The following TSNARE1 variants were observed in gnomAD, a reference collection of about 807,000 sequenced individuals.
TSNARE1 encodes the protein t-SNARE domain-containing protein 1.
A neutral mutation model predicts 62.0 loss-of-function variants in TSNARE1; 49 were observed. The observed-to-expected ratio is 0.79, with a 90% confidence interval of 0.63 to 1.00. The LOEUF is 1.00. TSNARE1 is among the 50% of genes least tolerant of loss of function. The pLI is 0.00. For synonymous variants in TSNARE1, 328 were observed against 294.4 expected (o/e 1.11, Z -1.17); for missense variants, 755 against 700.1 (o/e 1.08, Z -0.88).
intron 12 of TSNARE1, among the ~76,000 whole-genome samples, chr8:142,248,981 G>A (rs1005966191): frequency 6.6e-6 from 1 of 152,344 alleles, no homozygotes; most frequent in East Asian, 1.9e-4. Context: ...TTTGGAGGTA[G>A]CCAGCCCTGT....
At chr8:142,265,214 C>G (rs561987193) in intron 12 of TSNARE1, among the ~76,000 whole-genome samples, 25 of 152,184 alleles carry the variant, frequency 1.6e-4, no homozygotes, top group Admixed American at 3.3e-4. Flanking sequence ...GTCCCACCAC[C>G]ACAAGGCTCT....
chr8:142,309,486 G>A (rs1222466800), intron 9 of TSNARE1, among the ~76,000 whole-genome samples: 3 of 152,100 alleles, frequency 2.0e-5, no homozygotes, highest in Non-Finnish European at 2.9e-5. Context: ...GAATTTTATC[G>A]AGTGCTTTTT....
intron 7 of TSNARE1, among the ~76,000 whole-genome samples, chr8:142,316,701 T>C (rs529672900): frequency 6.6e-6 from 1 of 151,794 alleles, no homozygotes; most frequent in East Asian, 2.0e-4. Flanking sequence ...CGACTTCTGG[T>C]CTCCACAGAT....
intron 1 of TSNARE1, among the ~76,000 whole-genome samples, chr8:142,372,159 A>T (rs766173511): frequency 6.6e-6 from 1 of 152,206 alleles, no homozygotes; most frequent in Non-Finnish European, 1.5e-5. Flanking sequence ...AACTGAACAC[A>T]GGATCTGATC....
At chr8:142,245,354 C>A (rs1359192422) in intron 12 of TSNARE1, among the ~76,000 whole-genome samples, 1 of 152,208 alleles carries the variant, frequency 6.6e-6, no homozygotes, top group African/African-American at 2.4e-5. Flanking sequence ...GTCAGAGCAG[C>A]AGCCGACACA....
chr8:142,315,196 TCAGAATGGGGC>T, intron 7 of TSNARE1, 104 bp from the exon 8 acceptor site: 1 of 1,158,824 alleles, frequency 8.6e-7, no homozygotes, highest in African/African-American at 1.5e-5. Flanking sequence ...CTTCCCACAC[TCAGAATGGGGC>T]TCGCCATCAA....
intron 1 of TSNARE1, among the ~76,000 whole-genome samples, chr8:142,377,655 C>T (rs768521218): frequency 2.0e-5 from 3 of 152,152 alleles, no homozygotes; most frequent in Admixed American, 1.3e-4. Context: ...ACTGGGGGAA[C>T]GGCAGGGACC....
At chr8:142,281,894 C>T (rs770040311) in intron 11 of TSNARE1, among the ~76,000 whole-genome samples, 2 of 152,274 alleles carry the variant, frequency 1.3e-5, no homozygotes, top group East Asian at 1.9e-4. Context: ...CCTGACCTCT[C>T]GCCTGTCAGG....
chr8:142,277,138 G>A, intron 11 of TSNARE1: 1 of 985,376 alleles, frequency 1.0e-6, no homozygotes, highest in Non-Finnish European at 1.2e-6. Flanking sequence ...CCCCCAGTCT[G>A]TGAGGTGAGC....
At chr8:142,395,481 CGCA>C (rs1009743343) in intron 1 of TSNARE1, among the ~76,000 whole-genome samples, 1 of 152,160 alleles carries the variant, frequency 6.6e-6, no homozygotes, top group Non-Finnish European at 1.5e-5. Context: ...GCGGAGTCAG[CGCA>C]GCAGGTTTCC....
chr8:142,282,720 G>A (rs377191501), intron 11 of TSNARE1, among the ~76,000 whole-genome samples: 12,978 of 90,148 alleles, frequency 0.14, 3 homozygotes, highest in African/African-American at 0.28. Context: ...GTCAATGAGC[G>A]GAGGGGAGGC....
At chr8:142,328,336 T>A (rs896064615) in intron 6 of TSNARE1, among the ~76,000 whole-genome samples, 10 of 152,216 alleles carry the variant, frequency 6.6e-5, no homozygotes, top group Non-Finnish European at 1.3e-4. Flanking sequence ...GCTCACAGCC[T>A]ACGTGCCCTC....
intron 11 of TSNARE1, among the ~76,000 whole-genome samples, chr8:142,283,339 C>A (rs376663554): frequency 0.058 from 8,131 of 140,932 alleles, 287 homozygotes; most frequent in East Asian, 0.23. Context: ...AGAGGCGGGG[C>A]CAGTGTCTGT....
Position 142,315,074 on chromosome 8 carries a change from C to T in TSNARE1, c.1003G>A (p.Glu335Lys). 6.2e-7 allele frequency: 1 copy of T among 1,613,956 alleles called. No homozygotes were observed. Among genetic ancestry groups the T allele is most frequent in the Non-Finnish European group, 8.5e-7 (1 of 1,179,928 alleles). Residue 335 changes from glutamate (E) to lysine (K), a missense_variant, in exon 8 of 14, where the codon GAG (glutamate) becomes AAG (lysine). By Grantham distance (56) the Glu-to-Lys change is moderately conservative (BLOSUM62 1). Coordinates refer to ENST00000524325, the MANE Select transcript of TSNARE1 (RefSeq NM_145003.5). ...SSCPQERLQQERPQLDRLKTQ... is the reference protein window; with the variant it reads ...SSCPQERLQQKRPQLDRLKTQ... ...TTCAGCCGGTCCAGCTGAGGACGCT[C>T]CTGCTGCAGACGCTCCTGCTGCAGA...
At chr8:142,360,527 C>T (rs997779907) in intron 1 of TSNARE1, among the ~76,000 whole-genome samples, 14 of 152,146 alleles carry the variant, frequency 9.2e-5, no homozygotes, top group Admixed American at 2.0e-4. Context: ...GGGACAATGC[C>T]CCACTTGCTC....
chr8:142,289,859 G>A (rs777529863), intron 10 of TSNARE1, among the ~76,000 whole-genome samples: 2 of 152,234 alleles, frequency 1.3e-5, no homozygotes, highest in East Asian at 1.9e-4. Context: ...CGAGAGAGCC[G>A]GGCAGGCGCA....
intron 4 of TSNARE1, among the ~76,000 whole-genome samples, chr8:142,341,755 G>A (rs1434866358): frequency 3.9e-5 from 6 of 152,138 alleles, no homozygotes; most frequent in Non-Finnish European, 7.3e-5. Flanking sequence ...GGCCTTTTGC[G>A]GAGTACCACA....
intron 12 of TSNARE1, chr8:142,274,012 T>C (rs1452649641): frequency 1.0e-6 from 1 of 985,012 alleles, no homozygotes; most frequent in Non-Finnish European, 1.2e-6. Context: ...GAGTGTGTGC[T>C]CTCCTGGCCC....
intron 12 of TSNARE1, among the ~76,000 whole-genome samples, chr8:142,245,910 GCAA>G (rs1471343014): frequency 1.3e-5 from 2 of 151,982 alleles, no homozygotes; most frequent in Non-Finnish European, 2.9e-5. Flanking sequence ...AAAAGCTCAT[GCAA>G]CAACAATACT....
Sources: allele counts gnomAD v4.1 joint callset (sites outside exome capture counted in the v4.1 genomes callset), GRCh38; gene constraint gnomAD v4.1.1; transcripts MANE v1.5; gene names NCBI Gene and HGNC (gene_info 2026-07-23, HGNC 2026-07-21).